Variants in PRMT8 observed in about 807,000 individuals in gnomAD.
The protein encoded by PRMT8 is protein arginine methyltransferase 8, also known as protein arginine N-methyltransferase 8.
Under a neutral mutation model 47.1 loss-of-function variants are expected in PRMT8, and 7 were observed. That is an observed-to-expected ratio of 0.15 (90% CI 0.08 to 0.28). The LOEUF (loss-of-function observed/expected upper bound fraction) is 0.28. Ranked by LOEUF, PRMT8 falls within the 10% of genes least tolerant of loss-of-function variation. The pLI is 1.00. For missense variants in PRMT8, 237 were observed against 505.4 expected, an observed-to-expected ratio of 0.47 and a Z score of 5.09; for synonymous variants, 188 against 186.5, an observed-to-expected ratio of 1.01 and a Z score of -0.07.
chr12:3,441,039 A>G (rs61166194), intron 1 of PRMT8, among the ~76,000 whole-genome samples: 3,941 of 152,314 alleles, frequency 0.026, 68 homozygotes, highest in African/African-American at 0.047. Flanking sequence ...AAGCATGAAC[A>G]TAAATGGAAC....
At position 3,559,687 on chromosome 12, in the gene PRMT8, A is replaced by G. The variant is rs969427861; in HGVS notation, c.481+5973A>G. On this transcript the variant is annotated intron_variant, in intron 4 of 9. Transcript: ENST00000382622. ...GTTTACATACCCCTGAATGTAACCA[A>G]TCTCCCATTGTCACCACCTCCTGCC... Among the ~76,000 whole-genome samples, 10 of 152,240 alleles carry G rather than the reference A, an allele frequency of 6.6e-5. No individual in the cohort carries two copies. The East Asian group carries it at 1.5e-3, about 23-fold the overall frequency.
chr12:3,418,702 C>A (rs1442590907), intron 1 of PRMT8, among the ~76,000 whole-genome samples: 1 of 152,094 alleles, frequency 6.6e-6, no homozygotes, highest in Non-Finnish European at 1.5e-5. Flanking sequence ...CCCCTCCCCA[C>A]CTGAGATGCT....
chr12:3,537,961 C>A (rs918524097), intron 1 of PRMT8, among the ~76,000 whole-genome samples: 2 of 152,176 alleles, frequency 1.3e-5, no homozygotes, highest in East Asian at 1.9e-4. Flanking sequence ...TCACTGCTTC[C>A]CTGGTTACAA....
chr12:3,469,206 C>A, intron 1 of PRMT8: 1 of 479,610 alleles, frequency 2.1e-6, no homozygotes, highest in Non-Finnish European at 4.1e-6. Context: ...TAGTCAGGAA[C>A]AGATCTAGTG....
At chr12:3,522,291 C>T (rs1040049577) in intron 1 of PRMT8, among the ~76,000 whole-genome samples, 1 of 152,142 alleles carries the variant, frequency 6.6e-6, no homozygotes, top group Non-Finnish European at 1.5e-5. Flanking sequence ...GTTAAAAGGA[C>T]TTCTAACTCA....
chr12:3,421,282 C>G (rs1013285905), intron 1 of PRMT8, among the ~76,000 whole-genome samples: 21 of 152,130 alleles, frequency 1.4e-4, no homozygotes, highest in Non-Finnish European at 2.1e-4. Flanking sequence ...TCTGGTGGGA[C>G]AGAAGGACAC....
At chr12:3,397,150 T>G (rs1444073487) in intron 1 of PRMT8, among the ~76,000 whole-genome samples, 1 of 151,818 alleles carries the variant, frequency 6.6e-6, no homozygotes, top group South Asian at 2.2e-4. Flanking sequence ...TCTTTGCCTT[T>G]GGTTTGAATG....
chr12:3,553,608 A>AT (rs757665007), intron 3 of PRMT8, 43 bp from the exon 4 acceptor site: 52 of 1,504,872 alleles, frequency 3.5e-5, no homozygotes, highest in Middle Eastern at 1.7e-4. Context: ...TCTTGCTGTG[A>AT]TTTTTTTTGA....
chr12:3,408,361 G>A (rs947935494), intron 1 of PRMT8, among the ~76,000 whole-genome samples: 11 of 152,044 alleles, frequency 7.2e-5, no homozygotes, highest in South Asian at 2.1e-4. Flanking sequence ...AGCCTCTCAA[G>A]TAGCTAGGAC....
chr12:3,482,604 C>G (rs893597267), intron 1 of PRMT8, among the ~76,000 whole-genome samples: 1 of 152,222 alleles, frequency 6.6e-6, no homozygotes, highest in African/African-American at 2.4e-5. Context: ...CACAGGTTGA[C>G]AGGTGTCACT....
chr12:3,515,315 C>T (rs186498942), intron 1 of PRMT8, among the ~76,000 whole-genome samples: 1 of 152,302 alleles, frequency 6.6e-6, no homozygotes, highest in East Asian at 1.9e-4. Context: ...TCCACCTGCT[C>T]ACTGGTGTGG....
At chr12:3,485,260 T>C (rs1188619029) in intron 1 of PRMT8, among the ~76,000 whole-genome samples, 1 of 152,198 alleles carries the variant, frequency 6.6e-6, no homozygotes, top group Admixed American at 6.5e-5. Flanking sequence ...AGACTCTTGC[T>C]ATAGAAACAC....
intron 2 of PRMT8, among the ~76,000 whole-genome samples, chr12:3,545,488 A>G (rs1172900114): frequency 6.6e-6 from 1 of 152,256 alleles, no homozygotes; most frequent in Non-Finnish European, 1.5e-5. Context: ...AACTTCTAAT[A>G]AGATCAAAGA....
At chr12:3,410,728 C>T (rs1316651985) in intron 1 of PRMT8, among the ~76,000 whole-genome samples, 2 of 152,076 alleles carry the variant, frequency 1.3e-5, no homozygotes, top group Non-Finnish European at 2.9e-5. Flanking sequence ...AGGCTGGTCT[C>T]GAACTCCTGA....
intron 1 of PRMT8, among the ~76,000 whole-genome samples, chr12:3,420,168 T>C (rs1591544243): frequency 6.6e-6 from 1 of 151,596 alleles, no homozygotes; most frequent in Non-Finnish European, 1.5e-5. Context: ...CAGAGGTGGG[T>C]GTTGTCCATC....
chr12:3,561,109 C>G (rs1363234847), intron 4 of PRMT8, among the ~76,000 whole-genome samples: 1 of 152,220 alleles, frequency 6.6e-6, no homozygotes, highest in Admixed American at 6.5e-5. Flanking sequence ...TCCACAAGTG[C>G]TACACATCCC....
chr12:3,580,248 C>T lies in PRMT8; in HGVS notation c.829-2810C>T, dbSNP rs1187266288. Among the ~76,000 whole-genome samples, 3 of 151,986 alleles carry T rather than the reference C, an allele frequency of 2.0e-5. No individual in the cohort carries two copies. Among genetic ancestry groups the T allele is most frequent in the Admixed American group, 1.3e-4 (2 of 15,260 alleles). On this transcript the variant is annotated intron_variant, in intron 7 of 9. Transcript: ENST00000382622. This position sits in a 1 kb window ranked among gnomAD's most constrained non-coding sequence, Gnocchi z 4.6. ...GGGATCTATTGAAAGCTGTCAGCTACAAGAGTTGATAGCTGACATTTTGTT... is the reference window on the plus strand; with the variant it reads ...GGGATCTATTGAAAGCTGTCAGCTATAAGAGTTGATAGCTGACATTTTGTT...
chr12:3,505,207 C>G (rs1176153570), intron 1 of PRMT8, among the ~76,000 whole-genome samples: 2 of 152,106 alleles, frequency 1.3e-5, no homozygotes, highest in Non-Finnish European at 2.9e-5. Context: ...TGTTCCTATT[C>G]GGCCATCTTG....
intron 1 of PRMT8, among the ~76,000 whole-genome samples, chr12:3,449,021 G>T (rs1389591135): frequency 6.6e-6 from 1 of 152,140 alleles, no homozygotes; most frequent in Non-Finnish European, 1.5e-5. Context: ...GTTTGCTGAG[G>T]ATAATGGCTT....
Sources: gnomAD v4.1 joint callset for allele counts (sites outside exome capture counted in the v4.1 genomes callset) on GRCh38, gnomAD v4.1.1 for gene constraint, Gnocchi (gnomAD v3.1) non-coding constraint, MANE v1.5 for transcripts, NCBI Gene and HGNC (gene_info 2026-07-23, HGNC 2026-07-21) for gene names.